The following CRTAC1 variants were observed in gnomAD, a reference collection of about 807,000 sequenced individuals.
CRTAC1 encodes the protein acidic secreted protein in cartilage.
Under a neutral mutation model 67.8 loss-of-function variants are expected in CRTAC1, and 37 were observed. That is an observed-to-expected ratio of 0.55 (90% CI 0.42 to 0.72). CRTAC1 has a LOEUF of 0.72. CRTAC1 is among the 30% of genes least tolerant of loss of function. The pLI is 0.00. For missense variants in CRTAC1, 780 were observed against 931.6 expected, an observed-to-expected ratio of 0.84 and a Z score of 2.12; for synonymous variants, 348 against 371.0, an observed-to-expected ratio of 0.94 and a Z score of 0.71.
intron 2 of CRTAC1, among the ~76,000 whole-genome samples, chr10:98,001,015 A>G (rs886627317): frequency 1.8e-4 from 27 of 152,218 alleles, no homozygotes; most frequent in Admixed American, 1.3e-4. Context: ...GGCAAATACT[A>G]ACCAAAAGAA....
chr10:97,912,650 T>C (rs942289962), intron 5 of CRTAC1, among the ~76,000 whole-genome samples: 1 of 152,184 alleles, frequency 6.6e-6, no homozygotes, highest in Non-Finnish European at 1.5e-5. Context: ...TGCATGCAGC[T>C]GAACTTCTCC....
At chr10:97,904,604 A>G in intron 7 of CRTAC1, 65 bp downstream of exon 7, 1 of 1,442,254 alleles carries the variant, frequency 6.9e-7, no homozygotes, top group Non-Finnish European at 9.2e-7. Flanking sequence ...TATTTTTAGT[A>G]GAGACAGGGT....
chr10:98,005,096 A>ATTTTTTTTTTTT (rs1247445698), intron 2 of CRTAC1, among the ~76,000 whole-genome samples: 19 of 33,008 alleles, frequency 5.8e-4, no homozygotes, highest in East Asian at 2.3e-3. Context: ...ATATATATAT[A>ATTTTTTTTTTTT]TATATTTTTT....
Position 97,880,361 on chromosome 10 carries a change from C to A in CRTAC1, c.1707G>T (p.Val569=). ...DTNECIQFPF[V]CPRDKPVCVN... ...CACATACGGGCTTGTCTCGAGGGCACACGAATGGGAACTGGATGCATTCAT... is the reference window on the plus strand; with the variant it reads ...CACATACGGGCTTGTCTCGAGGGCAAACGAATGGGAACTGGATGCATTCAT... The change falls in exon 14 of 15, where the codon GTG becomes GTT. Residue 569 remains valine (V), a synonymous_variant. Transcript: ENST00000370597. 6.2e-7 allele frequency: 1 copy of A among 1,614,090 alleles called. No homozygotes were observed. Among genetic ancestry groups the A allele is most frequent in the Non-Finnish European group, 8.5e-7 (1 of 1,179,952 alleles).
intron 2 of CRTAC1, among the ~76,000 whole-genome samples, chr10:97,993,316 CA>C (rs1231138289): frequency 6.6e-6 from 1 of 152,184 alleles, no homozygotes; most frequent in Non-Finnish European, 1.5e-5. Flanking sequence ...AAAAGTTCCA[CA>C]GAGGGTGAAA....
intron 11 of CRTAC1, among the ~76,000 whole-genome samples, chr10:97,893,483 T>A (rs2050406729): frequency 6.6e-6 from 1 of 152,200 alleles, no homozygotes; most frequent in Non-Finnish European, 1.5e-5. Context: ...TTCTCAATGT[T>A]TTTTCCATCA....
intron 6 of CRTAC1, among the ~76,000 whole-genome samples, chr10:97,907,429 A>G (rs1429889744): frequency 2.0e-5 from 3 of 151,154 alleles, no homozygotes; most frequent in Non-Finnish European, 4.4e-5. Context: ...ATGAGTGCAG[A>G]GGAAGGAGGA....
rs565692410 is a variant in CRTAC1 at position 97,953,099 on chromosome 10, A to G, written c.225-16733T>C. On this transcript the variant is annotated intron_variant, in intron 2 of 14. Coordinates refer to ENST00000370597, the MANE Select transcript of CRTAC1 (RefSeq NM_018058.7). ...GATTTTATTTCATTAGCTTTTTCCT[A>G]TAAGCCCTCCCCCTTCCTCCTTGCA... Among the ~76,000 whole-genome samples, 7 of 152,136 alleles carry G rather than the reference A, an allele frequency of 4.6e-5. No homozygotes were observed. In the East Asian group the frequency reaches 1.4e-3, roughly 30 times the overall value.
At chr10:97,933,386 C>T (rs923348056) in intron 3 of CRTAC1, among the ~76,000 whole-genome samples, 9 of 152,368 alleles carry the variant, frequency 5.9e-5, no homozygotes, top group East Asian at 5.8e-4. Flanking sequence ...GCCCTTCTGG[C>T]GCCTTCACCG....
At position 97,941,693 on chromosome 10, in the gene CRTAC1, A is replaced by G. The variant is rs372142082; in HGVS notation, c.225-5327T>C. Among the ~76,000 whole-genome samples, 4 of 152,142 alleles carry G rather than the reference A, an allele frequency of 2.6e-5. No individual in the cohort carries two copies. The East Asian group carries it at 5.8e-4, about 22-fold the overall frequency. On this transcript the variant is annotated intron_variant, in intron 2 of 14. Coordinates refer to ENST00000370597, the MANE Select transcript of CRTAC1 (RefSeq NM_018058.7). ...TTTCTACCTCCAAAAATGTTTCACA[A>G]ATCCTTTTTCTTCTTTCCTCCTCCA...
intron 2 of CRTAC1, among the ~76,000 whole-genome samples, chr10:97,970,323 A>T (rs2051686973): frequency 6.6e-6 from 1 of 152,166 alleles, no homozygotes; most frequent in African/African-American, 2.4e-5. Flanking sequence ...GTCTATTCTC[A>T]ACATGAAAAT....
intron 2 of CRTAC1, among the ~76,000 whole-genome samples, chr10:97,948,294 A>C (rs1344473834): frequency 6.6e-6 from 1 of 152,310 alleles, no homozygotes; most frequent in East Asian, 1.9e-4. Context: ...GGACTGGAAA[A>C]AGCAAGTGTA....
intron 2 of CRTAC1, among the ~76,000 whole-genome samples, chr10:97,963,650 A>T (rs2051563243): frequency 6.6e-6 from 1 of 152,260 alleles, no homozygotes; most frequent in Admixed American, 6.5e-5. Context: ...CTATAAAAAA[A>T]TAGAAATTCC....
chr10:97,892,959 G>A (rs894445172), intron 11 of CRTAC1, among the ~76,000 whole-genome samples: 33 of 152,234 alleles, frequency 2.2e-4, no homozygotes, highest in South Asian at 6.2e-4. Context: ...ACACACACAC[G>A]ACAAAACATA....
chr10:97,879,160 T>G (rs2050179860), intron 14 of CRTAC1, among the ~76,000 whole-genome samples: 1 of 152,170 alleles, frequency 6.6e-6, no homozygotes, highest in Non-Finnish European at 1.5e-5. Context: ...GCTTAGCAAG[T>G]TCAAATGATA....
At chr10:97,916,560 G>T (rs1223374381) in intron 5 of CRTAC1, among the ~76,000 whole-genome samples, 1 of 152,154 alleles carries the variant, frequency 6.6e-6, no homozygotes, top group African/African-American at 2.4e-5. Flanking sequence ...GTGTCTGGAG[G>T]CAGGGTGGTA....
intron 3 of CRTAC1, among the ~76,000 whole-genome samples, chr10:97,925,624 G>A (rs2050901683): frequency 6.9e-6 from 1 of 144,680 alleles, no homozygotes; most frequent in African/African-American, 2.6e-5. Context: ...GAGAGTGAGT[G>A]TGAGGGGAGG....
At chr10:97,866,609 C>G (rs538061621) in intron 14 of CRTAC1, 2 of 152,202 alleles carry the variant, frequency 1.3e-5, no homozygotes, top group Non-Finnish European at 2.9e-5. Flanking sequence ...TATGTGAGCG[C>G]GTGTGTGAGC....
chr10:97,953,095 T>C (rs767836908), intron 2 of CRTAC1, among the ~76,000 whole-genome samples: 2 of 152,044 alleles, frequency 1.3e-5, no homozygotes, highest in African/African-American at 2.4e-5. Context: ...ATTAGCTTTT[T>C]CCTATAAGCC....
Sources: allele counts gnomAD v4.1 joint callset (sites outside exome capture counted in the v4.1 genomes callset), GRCh38; gene constraint gnomAD v4.1.1; transcripts MANE v1.5; gene names NCBI Gene and HGNC (gene_info 2026-07-23, HGNC 2026-07-21).